The following TBC1D22A variants were observed in gnomAD, a reference collection of about 807,000 sequenced individuals.
TBC1D22A encodes the protein putative GTPase activator.
In TBC1D22A, 38 loss-of-function variants were observed where a neutral mutation model predicts 60.2. The observed-to-expected ratio is 0.63, with a 90% CI of 0.49 to 0.83. The LOEUF (loss-of-function observed/expected upper bound fraction) is 0.83, where lower values mean the gene tolerates loss of function less well. TBC1D22A is among the 40% of genes least tolerant of loss of function. The probability of loss-of-function intolerance (pLI) is 0.00; values close to 1 mark genes in which losing one functional copy is unlikely to be tolerated. For synonymous variants in TBC1D22A, 302 were observed against 281.7 expected, an observed-to-expected ratio of 1.07 and a Z score of -0.72; for missense variants, 628 against 701.0, an observed-to-expected ratio of 0.90 and a Z score of 1.18.
At chr22:46,915,181 A>G in intron 8 of TBC1D22A, 1 of 351,558 alleles carries the variant, frequency 2.8e-6, no homozygotes, top group Non-Finnish European at 5.6e-6. Context: ...TTATCTTTGA[A>G]CATTCATTCT....
intron 10 of TBC1D22A, among the ~76,000 whole-genome samples, chr22:47,013,623 A>C (rs1383112143): frequency 1.3e-5 from 2 of 152,194 alleles, no homozygotes; most frequent in Non-Finnish European, 2.9e-5. Flanking sequence ...TTGCAGGTGG[A>C]AACGCATTGC....
chr22:46,923,391 G>A (rs1569226776), intron 8 of TBC1D22A, among the ~76,000 whole-genome samples: 1 of 152,232 alleles, frequency 6.6e-6, no homozygotes, highest in Non-Finnish European at 1.5e-5. Flanking sequence ...CTTGGGGGTG[G>A]CACCATGGTA....
chr22:47,165,164 T>C (rs1181265004), intron 12 of TBC1D22A, among the ~76,000 whole-genome samples: 1 of 152,072 alleles, frequency 6.6e-6, no homozygotes, highest in Non-Finnish European at 1.5e-5. Context: ...CCCCTGTGAT[T>C]GCCAGGGCTC....
chr22:46,917,973 C>CA (rs2070491347), intron 8 of TBC1D22A, among the ~76,000 whole-genome samples: 1 of 152,072 alleles, frequency 6.6e-6, no homozygotes, highest in Non-Finnish European at 1.5e-5. Flanking sequence ...GGGGCCTGAC[C>CA]GCTGGGGTCC....
At chr22:47,151,925 G>A (rs1016754987) in intron 12 of TBC1D22A, among the ~76,000 whole-genome samples, 1 of 152,180 alleles carries the variant, frequency 6.6e-6, no homozygotes, top group Non-Finnish European at 1.5e-5. Flanking sequence ...TGTCACCTCT[G>A]GGGTCTCAGC....
At chr22:46,857,647 G>A (rs918360634) in intron 4 of TBC1D22A, among the ~76,000 whole-genome samples, 1 of 151,902 alleles carries the variant, frequency 6.6e-6, no homozygotes, top group African/African-American at 2.4e-5. Context: ...ATTAGTAGTC[G>A]TTCCCCACTC....
At chr22:47,124,673 G>T (rs1160952685) in intron 12 of TBC1D22A, among the ~76,000 whole-genome samples, 3 of 152,226 alleles carry the variant, frequency 2.0e-5, no homozygotes, top group Middle Eastern at 3.2e-3. Context: ...GGTCCCAGAG[G>T]CAGGGCTTGG....
chr22:46,783,119 C>T (rs896829854), intron 1 of TBC1D22A, among the ~76,000 whole-genome samples: 5 of 152,180 alleles, frequency 3.3e-5, no homozygotes, highest in East Asian at 1.9e-4. Flanking sequence ...CACGCTTTAG[C>T]GTCTTTTTCA....
chr22:46,941,734 C>CGGAATATATATATGCGGAATGTATATAT lies in TBC1D22A; in HGVS notation c.1015+29566_1015+29567insGTATATATGGAATATATATATGCGGAAT, dbSNP rs1569249346. 1.1e-3 allele frequency among the ~76,000 whole-genome samples: 157 copies of CGGAATATATATATGCGGAATGTATATAT among 141,444 alleles called. 14 individuals carry two copies. The highest frequency in any genetic ancestry group is 1.6e-3 in the Admixed American group (22 of 13,936). 92.8% of individuals were successfully genotyped at this position (141,444 alleles called of 152,430 possible). A position where few individuals can be genotyped will look rare whatever the true frequency, so the allele number is the denominator to read the frequency against. On this transcript the variant is annotated intron_variant, in intron 8 of 12. Coordinates refer to ENST00000337137, the MANE Select transcript of TBC1D22A (RefSeq NM_014346.5). ...AATATATATACGCGGAATGTATATA[C>CGGAATATATATATGCGGAATGTATATAT]GGAATATATATATGCGGAATATATA... is the stretch of plus-strand genomic sequence containing the variant.
rs2068634660 is a variant in TBC1D22A at position 47,175,005 on chromosome 22, AC to A, written c.*1382del. ...CCAGGACAGGCTCACGTCCTCAGCG[AC>A]CCACTGGTGACTGACTTCCCAGACT... is the stretch of plus-strand genomic sequence containing the variant. On this transcript the variant is annotated 3_prime_UTR_variant, in exon 13 of 13. Coordinates refer to ENST00000337137, the MANE Select transcript of TBC1D22A (RefSeq NM_014346.5). 1.3e-5 allele frequency: 2 copies of A among 152,316 alleles called. No homozygotes were observed. Among genetic ancestry groups the A allele is most frequent in the Non-Finnish European group, 2.9e-5 (2 of 68,128 alleles). The allele number at this position is 152,316 out of a possible 1,614,324, so 9.4% of individuals were successfully genotyped here. A position where few individuals can be genotyped will look rare whatever the true frequency, so the allele number is the denominator to read the frequency against.
intron 8 of TBC1D22A, among the ~76,000 whole-genome samples, chr22:46,918,202 G>A (rs556645866): frequency 6.6e-6 from 1 of 152,362 alleles, no homozygotes; most frequent in East Asian, 1.9e-4. Context: ...GTTGCTGCCT[G>A]TGGCTTTCCT....
At chr22:46,832,543 G>C (rs535863797) in intron 4 of TBC1D22A, among the ~76,000 whole-genome samples, 1 of 152,232 alleles carries the variant, frequency 6.6e-6, no homozygotes, top group Admixed American at 6.5e-5. Flanking sequence ...CTACTCAGGA[G>C]GCTGAGGCAG....
intron 5 of TBC1D22A, among the ~76,000 whole-genome samples, chr22:46,883,161 T>G (rs1050527418): frequency 3.3e-5 from 5 of 152,172 alleles, no homozygotes; most frequent in African/African-American, 9.7e-5. Flanking sequence ...CATTAGTGAG[T>G]CTAATGGTTA....
chr22:46,836,014 T>G (rs1402420236), intron 4 of TBC1D22A, among the ~76,000 whole-genome samples: 1 of 152,172 alleles, frequency 6.6e-6, no homozygotes, highest in African/African-American at 2.4e-5. Flanking sequence ...GGCAAGAGTT[T>G]CCCAGACGAA....
At chr22:46,827,871 C>T (rs1174810395) in intron 4 of TBC1D22A, among the ~76,000 whole-genome samples, 2 of 152,322 alleles carry the variant, frequency 1.3e-5, no homozygotes, top group South Asian at 2.1e-4. Context: ...CTGTCTGTCT[C>T]AACCACGTGA....
At chr22:46,821,053 CT>C (rs139587) in intron 4 of TBC1D22A, among the ~76,000 whole-genome samples, 30,498 of 123,642 alleles carry the variant, frequency 0.25, 2,267 homozygotes, top group South Asian at 0.37. Flanking sequence ...GCAACCCCTG[CT>C]TTTTTTTTTT....
rs1226997402 is a variant in TBC1D22A, at chr22:46,791,468, C to T, written c.63-1052C>T. ...TCACGCACGATGGCTGAGGCCTCAC[C>T]TCTGTGTTCCAGGTGGAAAAAAGGG... On this transcript the variant is annotated intron_variant, in intron 1 of 12. Coordinates refer to ENST00000337137, the MANE Select transcript of TBC1D22A (RefSeq NM_014346.5). Among the ~76,000 whole-genome samples the T allele has an allele frequency of 2.0e-5, 3 of 152,262 alleles. 1 individual carries two copies. The highest frequency in any genetic ancestry group is 2.0e-4 in the Admixed American group (3 of 15,300).
intron 1 of TBC1D22A, chr22:46,763,941 A>G (rs537638498): frequency 6.6e-6 from 1 of 152,320 alleles, no homozygotes; most frequent in South Asian, 2.1e-4. Context: ...CTAAAAATAC[A>G]AAATTAGCTG....
At chr22:46,893,317 T>G (rs6009022) in intron 6 of TBC1D22A, among the ~76,000 whole-genome samples, 1 of 152,178 alleles carries the variant, frequency 6.6e-6, no homozygotes, top group African/African-American at 2.4e-5. Context: ...CTTTTTCTGA[T>G]TTGCCCAGTT....
Sources: allele counts gnomAD v4.1 joint callset (sites outside exome capture counted in the v4.1 genomes callset), GRCh38; gene constraint gnomAD v4.1.1; transcripts MANE v1.5; gene names NCBI Gene and HGNC (gene_info 2026-07-23, HGNC 2026-07-21).